HDAC9: variants seen among roughly 807,000 people sequenced by gnomAD.
The protein encoded by HDAC9 is MEF-2 interacting transcription repressor (MITR) protein.
Under a neutral mutation model 139.4 loss-of-function variants are expected in HDAC9, and 41 were observed. The ratio of observed to expected loss-of-function variants is 0.29; its 90% CI spans 0.23 to 0.38. HDAC9 has a LOEUF of 0.38. Ranked by LOEUF, HDAC9 falls within the 10% of genes least tolerant of loss-of-function variation. HDAC9 has a pLI of 1.00. For synonymous variants in HDAC9, 517 were observed against 476.2 expected (o/e 1.09, Z -1.12); for missense variants, 1,147 against 1,297.0 (o/e 0.88, Z 1.78).
rs1016683778 is a variant in HDAC9 at position 18,997,878 on chromosome 7, G to A, written c.*1816G>A. 2.0e-5 allele frequency: 3 copies of A among 152,016 alleles called. No homozygotes were observed. Among genetic ancestry groups the A allele is most frequent in the African/African-American group, 7.2e-5 (3 of 41,422 alleles). The allele number at this position is 152,016 out of a possible 1,614,324, so 9.4% of individuals were successfully genotyped here. A position where few individuals can be genotyped will look rare whatever the true frequency, so the allele number is the denominator to read the frequency against. The stretch of plus-strand genomic sequence containing the variant: ...ACTTGGTTTAACTTCTTAGAAATTT[G>A]AGACACCCTTTGAAATAGGAAATCT... On this transcript the variant is annotated 3_prime_UTR_variant, in exon 26 of 26. Transcript: ENST00000686413.
At chr7:18,605,826 G>A (rs754817146) in intron 6 of HDAC9, among the ~76,000 whole-genome samples, 11 of 151,984 alleles carry the variant, frequency 7.2e-5, no homozygotes, top group Admixed American at 1.3e-4. Flanking sequence ...GACTACAGGC[G>A]CCCTCCACCA....
chr7:18,665,032 G>C (rs563412998), intron 11 of HDAC9, among the ~76,000 whole-genome samples: 3 of 152,216 alleles, frequency 2.0e-5, no homozygotes, highest in African/African-American at 7.2e-5. Context: ...GAGGTTGCGT[G>C]GACTGCAGGA....
At chr7:18,637,218 G>T (rs1198276055) in intron 8 of HDAC9, among the ~76,000 whole-genome samples, 1 of 152,002 alleles carries the variant, frequency 6.6e-6, no homozygotes, top group African/African-American at 2.4e-5. Context: ...TTACCTTTCA[G>T]GGGGGAAGAA....
chr7:18,872,516 T>A (rs1799004546), intron 21 of HDAC9, among the ~76,000 whole-genome samples: 1 of 152,146 alleles, frequency 6.6e-6, no homozygotes, highest in South Asian at 2.1e-4. Flanking sequence ...TGACCACTGA[T>A]TCACGGTAGC....
rs559736460 is a variant in HDAC9, at chr7:18,929,438, C to T, written c.2804-6371C>T. The stretch of plus-strand genomic sequence containing the variant: ...GTGGTTTCAAGGTCATGGTAATTAC[C>T]AGTTCAGCTCCACTTGGTCATCAAA... On this transcript the variant is annotated intron_variant, in intron 22 of 25. Transcript: ENST00000686413. Among the ~76,000 whole-genome samples, 20 of 151,982 alleles carry T rather than the reference C, an allele frequency of 1.3e-4. No individual in the cohort carries two copies. The South Asian group carries it at 4.0e-3, about 30-fold the overall frequency.
chr7:18,985,733 T>G (rs1285262426), intron 25 of HDAC9, among the ~76,000 whole-genome samples: 1 of 144,172 alleles, frequency 6.9e-6, no homozygotes, highest in Non-Finnish European at 1.5e-5. Context: ...CAGCACCTGT[T>G]GTTTCCTGAC....
chr7:18,224,783 G>A (rs1054390901), intron 2 of HDAC9, among the ~76,000 whole-genome samples: 1 of 151,972 alleles, frequency 6.6e-6, no homozygotes, highest in African/African-American at 2.4e-5. Context: ...AGAAATATGA[G>A]GATGTAAAGT....
At chr7:18,456,696 C>T (rs1266362826) in intron 1 of HDAC9, among the ~76,000 whole-genome samples, 2 of 152,100 alleles carry the variant, frequency 1.3e-5, no homozygotes, top group Non-Finnish European at 2.9e-5. Context: ...TTCTCTACAC[C>T]ACCTCTCTTC....
intron 1 of HDAC9, among the ~76,000 whole-genome samples, chr7:18,350,872 G>A (rs887455453): frequency 2.0e-5 from 3 of 152,168 alleles, no homozygotes. Context: ...TTGCTTTGTA[G>A]TTACTGAGCT....
At chr7:18,097,932 T>C (rs1239539367) in intron 1 of HDAC9, among the ~76,000 whole-genome samples, 3 of 152,202 alleles carry the variant, frequency 2.0e-5, no homozygotes, top group African/African-American at 4.8e-5. Context: ...CAGCCCATAT[T>C]TGATGTTGTG....
intron 14 of HDAC9, among the ~76,000 whole-genome samples, chr7:18,754,395 T>C (rs1788707917): frequency 6.6e-6 from 1 of 152,076 alleles, no homozygotes; most frequent in African/African-American, 2.4e-5. Flanking sequence ...TGACCCATCA[T>C]CTGTTAGAAA....
chr7:18,177,047 T>A (rs1788968765), intron 2 of HDAC9, among the ~76,000 whole-genome samples: 1 of 152,202 alleles, frequency 6.6e-6, no homozygotes, highest in African/African-American at 2.4e-5. Flanking sequence ...AAGTAGACAT[T>A]GTATGTCATT....
At chr7:18,757,456 C>T (rs1041215408) in intron 14 of HDAC9, among the ~76,000 whole-genome samples, 3 of 152,136 alleles carry the variant, frequency 2.0e-5, no homozygotes, top group Admixed American at 1.3e-4. Flanking sequence ...ACAAAATGAG[C>T]CCTTTCATGT....
At chr7:18,578,039 C>A in intron 2 of HDAC9, 1 of 452,578 alleles carries the variant, frequency 2.2e-6, no homozygotes, top group Non-Finnish European at 4.4e-6. Flanking sequence ...ATCTCCATCC[C>A]CACCAGCTTA....
intron 1 of HDAC9, among the ~76,000 whole-genome samples, chr7:18,394,744 A>G (rs1035348562): frequency 2.6e-5 from 4 of 152,166 alleles, no homozygotes; most frequent in Non-Finnish European, 5.9e-5. Flanking sequence ...GAGATTTACC[A>G]TGTCAGGCTG....
At chr7:18,387,110 G>A (rs1267949835) in intron 1 of HDAC9, among the ~76,000 whole-genome samples, 1 of 152,180 alleles carries the variant, frequency 6.6e-6, no homozygotes, top group Non-Finnish European at 1.5e-5. Context: ...CGAAGAGGAA[G>A]AGTATCTCCT....
At position 18,265,096 on chromosome 7, in the gene HDAC9, A is replaced by G. The variant is rs186068515; in HGVS notation, c.25+102747A>G. On this transcript the variant is annotated intron_variant, in intron 2 of 12. Coordinates refer to the HDAC9 transcript ENST00000417496. ...TAGGAGTCTCAATGCTGGCTGAAGA[A>G]TGGAAAGGACTTTTATTACAAATAG... is the stretch of plus-strand genomic sequence containing the variant. 2.0e-5 allele frequency among the ~76,000 whole-genome samples: 3 copies of G among 152,320 alleles called. No individual in the cohort carries two copies. The East Asian group carries it at 5.8e-4, about 29-fold the overall frequency.
intron 2 of HDAC9, among the ~76,000 whole-genome samples, chr7:18,538,392 C>T (rs564844028): frequency 1.3e-5 from 2 of 152,244 alleles, no homozygotes; most frequent in South Asian, 2.1e-4. Flanking sequence ...ACTTAGAAAC[C>T]GTGACAGGAA....
At chr7:18,758,853 ATGTT>A (rs1297058340) in intron 14 of HDAC9, among the ~76,000 whole-genome samples, 2 of 151,180 alleles carry the variant, frequency 1.3e-5, no homozygotes, top group Admixed American at 6.6e-5. Flanking sequence ...CATGTGCACT[ATGTT>A]TGTGGGCTGT....
Sources: gnomAD v4.1 joint callset for allele counts (sites outside exome capture counted in the v4.1 genomes callset) on GRCh38, gnomAD v4.1.1 for gene constraint, MANE v1.5 for transcripts, NCBI Gene and HGNC (gene_info 2026-07-23, HGNC 2026-07-21) for gene names.